The following ERBB4 variants were observed in gnomAD, a reference collection of about 807,000 sequenced individuals.
ERBB4 encodes the protein receptor tyrosine-protein kinase erbB-4.
ERBB4 carries 42 observed loss-of-function variants against 158.0 expected under a neutral mutation model. The ratio of observed to expected loss-of-function variants is 0.27; its 90% confidence interval spans 0.21 to 0.34. The LOEUF (loss-of-function observed/expected upper bound fraction) is 0.34. Ranked by LOEUF, ERBB4 falls within the 10% of genes least tolerant of loss-of-function variation. ERBB4 has a pLI of 1.00. For missense variants in ERBB4, 1,333 were observed against 1,624.1 expected (o/e 0.82, Z 3.08); for synonymous variants, 583 against 558.7 (o/e 1.04, Z -0.61).
chr2:211,792,083 A>T lies in ERBB4; in HGVS notation c.422-3924T>A, dbSNP rs567625968. Among the ~76,000 whole-genome samples, 12 of 151,936 alleles carry T rather than the reference A, an allele frequency of 7.9e-5. No homozygotes were observed. The East Asian group carries it at 1.7e-3, about 22-fold the overall frequency. ...CACTCCATGAATAATTGTTAGATTT[A>T]ATTGTGTATGGAAAAAAAGTACCAT... On this transcript the variant is annotated intron_variant, in intron 3 of 27. Coordinates refer to ENST00000342788, the MANE Select transcript of ERBB4 (RefSeq NM_005235.3).
chr2:211,599,536 T>TGTGTGTGTGTGTGTGTGTGTGTG (rs1559336933), intron 19 of ERBB4, among the ~76,000 whole-genome samples: 33 of 150,480 alleles, frequency 2.2e-4, no homozygotes, highest in South Asian at 4.3e-4. Flanking sequence ...TGTGTGTGTG[T>TGTGTGTGTGTGTGTGTGTGTGTG]TTCCTGTCAA....
chr2:212,140,953 G>A (rs917294901), intron 1 of ERBB4, among the ~76,000 whole-genome samples: 1 of 150,388 alleles, frequency 6.6e-6, no homozygotes, highest in Non-Finnish European at 1.5e-5. Flanking sequence ...TCTAGTTCAT[G>A]CAATTTGATA....
intron 1 of ERBB4, among the ~76,000 whole-genome samples, chr2:212,489,608 C>A (rs572362651): frequency 6.6e-6 from 1 of 151,476 alleles, no homozygotes; most frequent in East Asian, 1.9e-4. Context: ...CTCCTGATAG[C>A]CAATAAAAAT....
At chr2:212,392,721 G>A (rs1201748705) in intron 1 of ERBB4, among the ~76,000 whole-genome samples, 1 of 151,960 alleles carries the variant, frequency 6.6e-6, no homozygotes, top group East Asian at 1.9e-4. Flanking sequence ...CTTTTTCTGT[G>A]CACATCTTTT....
chr2:211,979,679 A>C (rs1302747338), intron 2 of ERBB4, among the ~76,000 whole-genome samples: 1 of 152,190 alleles, frequency 6.6e-6, no homozygotes, highest in African/African-American at 2.4e-5. Context: ...GCCATAATAC[A>C]CATTATACTG....
intron 2 of ERBB4, among the ~76,000 whole-genome samples, chr2:212,069,028 A>G (rs560663826): frequency 2.0e-5 from 3 of 152,098 alleles, no homozygotes; most frequent in African/African-American, 4.8e-5. Context: ...CTCTTTCTTC[A>G]TCTTCCACCA....
intron 3 of ERBB4, among the ~76,000 whole-genome samples, chr2:211,802,551 G>A (rs2076524505): frequency 6.6e-6 from 1 of 152,176 alleles, no homozygotes. Flanking sequence ...AAGTATCTGT[G>A]TGCTGACATG....
At chr2:211,958,707 G>A (rs2081094836) in intron 2 of ERBB4, among the ~76,000 whole-genome samples, 1 of 151,960 alleles carries the variant, frequency 6.6e-6, no homozygotes, top group South Asian at 2.1e-4. Context: ...TTACTTCCTT[G>A]GTTAAAGTAC....
intron 20 of ERBB4, among the ~76,000 whole-genome samples, chr2:211,490,239 T>G (rs1358219286): frequency 6.6e-6 from 1 of 152,170 alleles, no homozygotes; most frequent in Non-Finnish European, 1.5e-5. Flanking sequence ...AAAATTCTTC[T>G]GAACTATGTC....
At chr2:212,020,678 TTAAA>T (rs1225556076) in intron 2 of ERBB4, among the ~76,000 whole-genome samples, 2 of 152,166 alleles carry the variant, frequency 1.3e-5, no homozygotes, top group Admixed American at 1.3e-4. Context: ...CATATTCTTC[TTAAA>T]TAATACCAAT....
At chr2:212,362,475 G>A (rs1445520405) in intron 1 of ERBB4, among the ~76,000 whole-genome samples, 6 of 150,128 alleles carry the variant, frequency 4.0e-5, no homozygotes, top group African/African-American at 1.2e-4. Context: ...AAAAATTAAC[G>A]TACTCTCTAA....
intron 3 of ERBB4, among the ~76,000 whole-genome samples, chr2:211,889,024 G>A (rs533680960): frequency 6.9e-6 from 1 of 144,676 alleles, no homozygotes; most frequent in East Asian, 1.9e-4. Context: ...CAGCCAGGAA[G>A]CTCGAACTGG....
chr2:211,405,644 A>C (rs1300782332), intron 25 of ERBB4, among the ~76,000 whole-genome samples: 1 of 152,154 alleles, frequency 6.6e-6, no homozygotes, highest in East Asian at 1.9e-4. Flanking sequence ...TTTTTCAGAG[A>C]AATTCACATT....
intron 15 of ERBB4, among the ~76,000 whole-genome samples, chr2:211,658,622 T>C (rs2071307926): frequency 6.6e-6 from 1 of 152,196 alleles, no homozygotes; most frequent in African/African-American, 2.4e-5. Context: ...CTGCAGTTTC[T>C]CTTGACACTG....
chr2:211,414,556 T>A (rs1254930602), intron 25 of ERBB4, among the ~76,000 whole-genome samples: 1 of 150,640 alleles, frequency 6.6e-6, no homozygotes, highest in Admixed American at 6.6e-5. Context: ...GAAAATACAA[T>A]TTTAATGCAT....
chr2:212,351,455 G>T (rs1007474026), intron 1 of ERBB4, among the ~76,000 whole-genome samples: 1 of 152,200 alleles, frequency 6.6e-6, no homozygotes, highest in Admixed American at 6.5e-5. Context: ...AGAACAGAAT[G>T]AATTTCTGAG....
chr2:211,424,048 T>G, intron 23 of ERBB4, 107 bp downstream of exon 23: 1 of 1,132,372 alleles, frequency 8.8e-7, no homozygotes, highest in South Asian at 1.2e-5. Context: ...TAATTGTTTT[T>G]GAACTGTCGT....
chr2:212,204,860 C>T (rs1198395751), intron 1 of ERBB4, among the ~76,000 whole-genome samples: 4 of 146,754 alleles, frequency 2.7e-5, no homozygotes, highest in Non-Finnish European at 6.0e-5. Flanking sequence ...CTCTTGTTGC[C>T]CAGGCTGAAG....
intron 4 of ERBB4, among the ~76,000 whole-genome samples, chr2:211,784,321 A>C (rs1279023936): frequency 6.6e-6 from 1 of 152,174 alleles, no homozygotes; most frequent in Non-Finnish European, 1.5e-5. Context: ...TTGACAGTTG[A>C]GTTACTTCAT....
Sources: gnomAD v4.1 joint callset for allele counts (sites outside exome capture counted in the v4.1 genomes callset) on GRCh38, gnomAD v4.1.1 for gene constraint, MANE v1.5 for transcripts, NCBI Gene and HGNC (gene_info 2026-07-23, HGNC 2026-07-21) for gene names.